ARRB1: variants seen among roughly 807,000 people sequenced by gnomAD.
ARRB1 encodes the protein beta-arrestin-1.
ARRB1 carries 21 observed loss-of-function variants against 56.8 expected under a neutral mutation model. The observed-to-expected ratio is 0.37, with a 90% confidence interval of 0.26 to 0.53. ARRB1 has a LOEUF of 0.53. Ranked by LOEUF, ARRB1 falls within the 20% of genes least tolerant of loss-of-function variation. The probability of loss-of-function intolerance (pLI) is 0.88; values close to 1 mark genes in which losing one functional copy is unlikely to be tolerated. For synonymous variants in ARRB1, 210 were observed against 218.6 expected, an observed-to-expected ratio of 0.96 and a Z score of 0.35; for missense variants, 424 against 553.7, an observed-to-expected ratio of 0.77 and a Z score of 2.35.
At chr11:75,334,085 A>G (rs940988202) in intron 1 of ARRB1, among the ~76,000 whole-genome samples, 6 of 152,128 alleles carry the variant, frequency 3.9e-5, no homozygotes, top group African/African-American at 1.4e-4. Flanking sequence ...TAATCCCAGC[A>G]CTTTGGGAGG....
At chr11:75,327,163 G>T (rs1056286928) in intron 1 of ARRB1, among the ~76,000 whole-genome samples, 2 of 151,562 alleles carry the variant, frequency 1.3e-5, no homozygotes, top group African/African-American at 4.8e-5. Flanking sequence ...TTAGCTGGGC[G>T]CAGTGGCGGG....
rs553406738 is a variant in ARRB1, at chr11:75,280,294, A to G, written c.482+781T>C. 2.0e-5 allele frequency among the ~76,000 whole-genome samples: 3 copies of G among 152,324 alleles called. No homozygotes were observed. In the East Asian group the frequency reaches 5.8e-4, roughly 29 times the overall value. On this transcript the variant is annotated intron_variant, in intron 7 of 15. Transcript: ENST00000420843. ...TCCCATCTCCTCACACACAGCTGCCAGGGCTGCAGATGCAAATGCATGCAA... is the reference window on the plus strand; with the variant it reads ...TCCCATCTCCTCACACACAGCTGCCGGGGCTGCAGATGCAAATGCATGCAA...
chr11:75,336,338 T>C (rs1254098244), intron 1 of ARRB1, among the ~76,000 whole-genome samples: 2 of 152,052 alleles, frequency 1.3e-5, no homozygotes, highest in Non-Finnish European at 2.9e-5. Flanking sequence ...GGGCCTGATG[T>C]CCTCCCCACA....
intron 1 of ARRB1, among the ~76,000 whole-genome samples, chr11:75,339,363 C>G (rs572022420): frequency 6.6e-6 from 1 of 152,356 alleles, no homozygotes; most frequent in South Asian, 2.1e-4. Context: ...TACTGTGATG[C>G]CCTGTGGCAG....
intron 1 of ARRB1, among the ~76,000 whole-genome samples, chr11:75,319,805 G>A (rs1345866338): frequency 2.0e-5 from 3 of 152,086 alleles, no homozygotes; most frequent in Non-Finnish European, 4.4e-5. Flanking sequence ...GACCCCTTGG[G>A]GTTTGAAAAA....
intron 1 of ARRB1, among the ~76,000 whole-genome samples, chr11:75,316,840 G>C (rs1304139311): frequency 6.6e-6 from 1 of 152,088 alleles, no homozygotes; most frequent in Non-Finnish European, 1.5e-5. Context: ...GGCTGAGGTG[G>C]GCAGATCATG....
At chr11:75,326,859 C>T (rs1947444083) in intron 1 of ARRB1, among the ~76,000 whole-genome samples, 1 of 151,844 alleles carries the variant, frequency 6.6e-6, no homozygotes, top group Admixed American at 6.6e-5. Context: ...CATGCCCCAC[C>T]ACACCCATGC....
intron 1 of ARRB1, among the ~76,000 whole-genome samples, chr11:75,308,528 G>A (rs568127050): frequency 5.2e-4 from 79 of 152,258 alleles, no homozygotes; most frequent in Non-Finnish European, 9.4e-4. Context: ...GGTGGATCAC[G>A]AGGTCAGGAA....
At chr11:75,345,358 C>T (rs775461358) in intron 1 of ARRB1, among the ~76,000 whole-genome samples, 10 of 152,070 alleles carry the variant, frequency 6.6e-5, no homozygotes, top group Non-Finnish European at 1.5e-4. Flanking sequence ...GTTACCCTCT[C>T]AAAAGCAGCC....
At chr11:75,301,739 C>T (rs1263434240) in intron 1 of ARRB1, among the ~76,000 whole-genome samples, 1 of 152,106 alleles carries the variant, frequency 6.6e-6, no homozygotes, top group Admixed American at 6.5e-5. Context: ...AGAGAGGTTC[C>T]TAGGCCCTTA....
chr11:75,268,003 G>T (rs1429113710), intron 14 of ARRB1, among the ~76,000 whole-genome samples: 1 of 152,132 alleles, frequency 6.6e-6, no homozygotes, highest in East Asian at 1.9e-4. Flanking sequence ...TTAATTCCTT[G>T]CATGCATGCC....
chr11:75,297,530 A>G (rs946141354), intron 1 of ARRB1, among the ~76,000 whole-genome samples: 21 of 152,158 alleles, frequency 1.4e-4, no homozygotes, highest in Non-Finnish European at 2.2e-4. Flanking sequence ...CGCACAAAAA[A>G]AAACAAAGTT....
chr11:75,321,091 T>C (rs575329435), intron 1 of ARRB1, among the ~76,000 whole-genome samples: 1 of 152,274 alleles, frequency 6.6e-6, no homozygotes, highest in East Asian at 1.9e-4. Context: ...ACTTCTCTTG[T>C]TCTCTGTTTT....
intron 1 of ARRB1, among the ~76,000 whole-genome samples, chr11:75,295,127 T>C (rs896097706): frequency 4.1e-5 from 6 of 145,884 alleles, no homozygotes; most frequent in African/African-American, 1.6e-4. Flanking sequence ...AACGCTGAGA[T>C]GGGAGGATCA....
intron 3 of ARRB1, among the ~76,000 whole-genome samples, chr11:75,286,554 C>T (rs1021186790): frequency 2.6e-5 from 4 of 151,966 alleles, no homozygotes; most frequent in Non-Finnish European, 5.9e-5. Flanking sequence ...CGTGAGCCAC[C>T]GCACTTGGCC....
In ARRB1 at chr11:75,281,986, C is replaced by G. The variant is rs540527207; in HGVS notation, c.390G>C (p.Gln130His). The G allele has an allele frequency of 6.2e-7, 1 of 1,614,150 alleles. No homozygotes were observed. Among genetic ancestry groups the G allele is most frequent in the South Asian group, 1.1e-5 (1 of 91,080 alleles). ...CCTTCCCCGTGTCTTCGGGCCCCGG[C>G]TGCAGTGTCACAGAACATGGAAGGT... ...PPNLPCSVTL[Q>H]PGPEDTGKAC... Residue 130 changes from glutamine (Q) to histidine (H), a missense_variant, in exon 6 of 16, where the codon CAG becomes CAC. Around this residue, in one of 3 missense-constraint regions of ARRB1, gnomAD observed 301 missense variants for 387.9 expected, o/e 0.78. Coordinates refer to ENST00000420843, the MANE Select transcript of ARRB1 (RefSeq NM_004041.5).
chr11:75,272,207 C>T (rs190160037), intron 12 of ARRB1, among the ~76,000 whole-genome samples: 27 of 152,282 alleles, frequency 1.8e-4, no homozygotes, highest in African/African-American at 6.3e-4. Flanking sequence ...TCAAGGAGAC[C>T]CAATGTCTAA....
chr11:75,281,775 C>T (rs1204528893), intron 6 of ARRB1, 187 bp downstream of exon 6: 1 of 626,072 alleles, frequency 1.6e-6, no homozygotes, highest in Non-Finnish European at 2.8e-6. Context: ...GTGAGGCTGA[C>T]CCCGTACCTG....
chr11:75,265,797 A>C lies in ARRB1; in HGVS notation c.*366T>G, dbSNP rs1591880831. ...TCTCGTGTCTTGAGCCCTCATCCCC[A>C]CCCCTCCAAGCCCTCATGCCCACCA... On this transcript the variant is annotated 3_prime_UTR_variant, in exon 16 of 16. Transcript: ENST00000420843. The C allele has an allele frequency of 3.7e-6, 1 of 273,706 alleles. No homozygotes were observed. The highest frequency in any genetic ancestry group is 8.9e-5 in the East Asian group (1 of 11,190). The allele number at this position is 273,706 out of a possible 1,614,324, so 17.0% of individuals were successfully genotyped here. A position where few individuals can be genotyped will look rare whatever the true frequency, so the allele number is the denominator to read the frequency against.
Sources: allele counts gnomAD v4.1 joint callset (sites outside exome capture counted in the v4.1 genomes callset), GRCh38; gene constraint gnomAD v4.1.1; regional missense constraint gnomAD v4.1.1; transcripts MANE v1.5; gene names NCBI Gene and HGNC (gene_info 2026-07-23, HGNC 2026-07-21).